The following ARHGAP21 variants were observed in gnomAD, a reference collection of about 807,000 sequenced individuals.
The protein encoded by ARHGAP21 is rho GTPase-activating protein 21.
ARHGAP21 carries 38 observed loss-of-function variants against 164.6 expected under a neutral mutation model. That is an observed-to-expected ratio of 0.23 (90% confidence interval 0.18 to 0.30). ARHGAP21 has a LOEUF of 0.30. Ranked by LOEUF, ARHGAP21 falls within the 10% of genes least tolerant of loss-of-function variation. The probability of loss-of-function intolerance (pLI) is 1.00; values close to 1 mark genes in which losing one functional copy is unlikely to be tolerated. For missense variants in ARHGAP21, 1,822 were observed against 2,370.7 expected (o/e 0.77, Z 4.81); for synonymous variants, 766 against 857.9 (o/e 0.89, Z 1.87).
Position 24,596,857 on chromosome 10 carries a change from T to G in ARHGAP21, c.3360A>C (p.Lys1120Asn), listed in dbSNP as rs2130848936. The change falls in exon 17 of 26, where the codon AAA (lysine) becomes AAC (asparagine). Residue 1120 changes from lysine (K) to asparagine (N), a missense_variant. Lys to Asn is a moderately conservative substitution (Grantham distance 94, BLOSUM62 0). Coordinates refer to ENST00000396432, the MANE Select transcript of ARHGAP21 (RefSeq NM_020824.4). Reference sequence around the variant, plus strand: ...TTGGAATGCCTTTTCTCCATGTGCCTTTGTCTTTTGGGGGACTGGTATCAT... The same window carrying G: ...TTGGAATGCCTTTTCTCCATGTGCCGTTGTCTTTTGGGGGACTGGTATCAT... ...SKDDTSPPKD[K>N]GTWRKGIPSI... is the part of the protein sequence containing the mutation. 1 of 1,609,496 alleles carries G rather than the reference T, an allele frequency of 6.2e-7. No homozygotes were observed. Among genetic ancestry groups the G allele is most frequent in the South Asian group, 1.1e-5 (1 of 90,232 alleles).
chr10:24,684,987 T>C (rs961521226), intron 2 of ARHGAP21, among the ~76,000 whole-genome samples: 1 of 152,208 alleles, frequency 6.6e-6, no homozygotes, highest in Admixed American at 6.5e-5. Flanking sequence ...GCTATAATCA[T>C]TTAAATCTGC....
At chr10:24,684,859 G>A (rs1000897761) in intron 2 of ARHGAP21, among the ~76,000 whole-genome samples, 57 of 152,138 alleles carry the variant, frequency 3.7e-4, no homozygotes, top group African/African-American at 1.1e-3. Context: ...GGCTGGTCTC[G>A]AACTCCTGAT....
At position 24,670,412 on chromosome 10, in the gene ARHGAP21, T is replaced by C. The variant is rs1382076114; in HGVS notation, c.64-15A>G. ...TTTTTTGAGACCTAAAGTGAAAAGA[T>C]ATTTAAAAGTTAACTACATAACACA... is the stretch of plus-strand genomic sequence containing the variant. On this transcript the variant is annotated splice_polypyrimidine_tract_variant and intron_variant, in intron 2 of 25. Coordinates refer to ENST00000396432, the MANE Select transcript of ARHGAP21 (RefSeq NM_020824.4). The C allele has an allele frequency of 1.9e-6, 3 of 1,560,476 alleles. No homozygotes were observed. The highest frequency in any genetic ancestry group is 2.3e-5 in the East Asian group (1 of 44,160).
In ARHGAP21 at chr10:24,633,334, T is replaced by C. The variant is rs1836025437; in HGVS notation, c.440+68A>G. On this transcript the variant is annotated intron_variant, in intron 6 of 25. Transcript: ENST00000396432. The stretch of plus-strand genomic sequence containing the variant: ...AATTCCTTGTAAGAATAGAAGATTG[T>C]ATTAAATCTATGTGCTCTATTGATC... 7 of 1,090,622 alleles carry C rather than the reference T, an allele frequency of 6.4e-6. No homozygotes were observed. The East Asian group carries it at 7.3e-5, about 11-fold the overall frequency. The allele number at this position is 1,090,622 out of a possible 1,614,324, so 67.6% of individuals were successfully genotyped here.
chr10:24,692,974 G>GA (rs201300726), intron 2 of ARHGAP21, among the ~76,000 whole-genome samples: 33 of 150,074 alleles, frequency 2.2e-4, no homozygotes, highest in African/African-American at 5.4e-4. Context: ...AATGCTGAGT[G>GA]AAAAAAAAAC....
chr10:24,686,875 G>A (rs1223891222), intron 2 of ARHGAP21, among the ~76,000 whole-genome samples: 1 of 152,098 alleles, frequency 6.6e-6, no homozygotes, highest in Non-Finnish European at 1.5e-5. Context: ...CCCGATCAGT[G>A]TACTTTAAGG....
At chr10:24,684,072 A>G (rs1842014410) in intron 2 of ARHGAP21, among the ~76,000 whole-genome samples, 2 of 152,182 alleles carry the variant, frequency 1.3e-5, no homozygotes, top group Non-Finnish European at 2.9e-5. Context: ...GGATCGCTTC[A>G]GGTCAGGAAT....
At chr10:24,631,449 C>T (rs912155595) in intron 6 of ARHGAP21, among the ~76,000 whole-genome samples, 8 of 152,176 alleles carry the variant, frequency 5.3e-5, no homozygotes, top group African/African-American at 1.9e-4. Flanking sequence ...AACAGCTAAT[C>T]TAACAATATC....
intron 9 of ARHGAP21, 30 bp downstream of exon 9, chr10:24,619,443 A>T (rs758654312): frequency 6.4e-7 from 1 of 1,573,430 alleles, no homozygotes; most frequent in Non-Finnish European, 8.7e-7. Flanking sequence ...TACATTTGGC[A>T]TATTAGCCAA....
intron 2 of ARHGAP21, among the ~76,000 whole-genome samples, chr10:24,676,018 C>T (rs938458125): frequency 7.2e-5 from 11 of 152,028 alleles, no homozygotes; most frequent in Non-Finnish European, 1.0e-4. Context: ...TGCAATGGCA[C>T]GTGCCTGTAA....
At position 24,721,872 on chromosome 10, in the gene ARHGAP21, A is replaced by T; in HGVS notation, c.28T>A (p.Ser10Thr). The T allele has an allele frequency of 6.2e-7, 1 of 1,614,220 alleles. No homozygotes were observed. Among genetic ancestry groups the T allele is most frequent in the Non-Finnish European group, 8.5e-7 (1 of 1,180,034 alleles). Residue 10 changes from serine (S) to threonine (T), a missense_variant, in exon 2 of 26, where the codon TCT becomes ACT. Around this residue, in one of 5 missense-constraint regions of ARHGAP21, gnomAD observed 1,090 missense variants for 1,378.9 expected, o/e 0.79. Transcript: ENST00000396432. ...TTGAGCTTGTCACCATCTCCCTCAG[A>T]CAGACCAGTCCGACGCGTGGCCATC... MMATRRTGL[S>T]EGDGDKLKAC...
chr10:24,622,917 G>T, intron 7 of ARHGAP21, 155 bp from the exon 8 acceptor site: 1 of 614,616 alleles, frequency 1.6e-6, no homozygotes, highest in Non-Finnish European at 2.8e-6. Flanking sequence ...GAAGCATAAA[G>T]AATAACTCCA....
chr10:24,693,635 G>A (rs1485375822), intron 2 of ARHGAP21, among the ~76,000 whole-genome samples: 17 of 152,100 alleles, frequency 1.1e-4, no homozygotes, highest in Non-Finnish European at 2.9e-5. Flanking sequence ...TTACAGGCGT[G>A]AGACACTGCG....
In ARHGAP21 at chr10:24,721,975, C is replaced by G; in HGVS notation, c.-76G>C. The G allele has an allele frequency of 4.7e-6, 7 of 1,481,534 alleles. No homozygotes were observed. The highest frequency in any genetic ancestry group is 6.6e-6 in the Non-Finnish European group (7 of 1,068,182). The allele number at this position is 1,481,534 out of a possible 1,614,324, so 91.8% of individuals were successfully genotyped here. A position where few individuals can be genotyped will look rare whatever the true frequency, so the allele number is the denominator to read the frequency against. On this transcript the variant is annotated 5_prime_UTR_variant, in exon 2 of 26. Coordinates refer to ENST00000396432, the MANE Select transcript of ARHGAP21 (RefSeq NM_020824.4). ...CGTGGCGGGGAATGCCACCACACACCCGAAGGGGAAGAATTCCACAAGCAG... is the reference window on the plus strand; with the variant it reads ...CGTGGCGGGGAATGCCACCACACACGCGAAGGGGAAGAATTCCACAAGCAG...
At chr10:24,698,892 A>AT (rs1843398354) in intron 2 of ARHGAP21, among the ~76,000 whole-genome samples, 1 of 152,220 alleles carries the variant, frequency 6.6e-6, no homozygotes, top group Non-Finnish European at 1.5e-5. Context: ...TTATAATTAG[A>AT]TTGCTTATAT....
intron 19 of ARHGAP21, 45 bp from the exon 20 acceptor site, chr10:24,595,235 G>A (rs750420166): frequency 4.7e-5 from 70 of 1,484,364 alleles, no homozygotes; most frequent in Middle Eastern, 3.5e-4. Context: ...AATTGCCTAG[G>A]TGAATTGTAA....
At chr10:24,595,277 CACAACATAGGA>C in intron 19 of ARHGAP21, 87 bp from the exon 20 acceptor site, 3 of 1,112,868 alleles carry the variant, frequency 2.7e-6, no homozygotes, top group Non-Finnish European at 2.6e-6. Flanking sequence ...AATTTTAAAC[CACAACATAGGA>C]AAGAGTTCTA....
intron 2 of ARHGAP21, among the ~76,000 whole-genome samples, chr10:24,715,519 G>T (rs753805733): frequency 6.6e-6 from 1 of 152,036 alleles, no homozygotes; most frequent in Admixed American, 6.5e-5. Context: ...AGTGGAAATT[G>T]TTTCATACAT....
intron 2 of ARHGAP21, among the ~76,000 whole-genome samples, chr10:24,697,376 A>G (rs1359140776): frequency 6.6e-6 from 1 of 152,148 alleles, no homozygotes; most frequent in Admixed American, 6.5e-5. Flanking sequence ...AAGAAAGAAA[A>G]GAAAGAGACA....
Sources: gnomAD v4.1 joint callset for allele counts (sites outside exome capture counted in the v4.1 genomes callset) on GRCh38, gnomAD v4.1.1 for gene constraint, gnomAD v4.1.1 regional missense constraint, MANE v1.5 for transcripts, NCBI Gene and HGNC (gene_info 2026-07-23, HGNC 2026-07-21) for gene names.